NPAS3: variants seen among roughly 807,000 people sequenced by gnomAD.
NPAS3 encodes neuronal PAS domain protein 3, also known as neuronal PAS domain-containing protein 3.
Under a neutral mutation model 73.1 loss-of-function variants are expected in NPAS3, and 14 were observed. The ratio of observed to expected loss-of-function variants is 0.19; its 90% confidence interval spans 0.13 to 0.30. NPAS3 has a LOEUF of 0.30. NPAS3 is among the 10% of genes least tolerant of loss of function. NPAS3 has a pLI of 1.00. For missense variants in NPAS3, 1,096 were observed against 1,250.0 expected (o/e 0.88, Z 1.86); for synonymous variants, 620 against 541.5 (o/e 1.14, Z -2.01).
rs557607180 is a variant in NPAS3 at position 33,108,218 on chromosome 14, G to A, written c.140+52224G>A. 2.4e-3 allele frequency among the ~76,000 whole-genome samples: 358 copies of A among 146,264 alleles called. 1 individual carries two copies. The highest frequency in any genetic ancestry group is 6.1e-3 in the Admixed American group (89 of 14,596). ...TGATTTTTTTTTTTTTTTTGAGATG[G>A]AATCTCGTTCTGTTGCCTAGGCTGG... On this transcript the variant is annotated intron_variant, in intron 2 of 11. Transcript: ENST00000356141.
At chr14:33,318,663 A>G (rs60713183) in intron 3 of NPAS3, among the ~76,000 whole-genome samples, 5,164 of 152,190 alleles carry the variant, frequency 0.034, 280 homozygotes, top group East Asian at 0.19. Flanking sequence ...ATTTACTACA[A>G]TATTATTTTC....
intron 7 of NPAS3, among the ~76,000 whole-genome samples, chr14:33,739,575 C>T (rs1042221067): frequency 6.6e-6 from 1 of 152,156 alleles, no homozygotes; most frequent in Non-Finnish European, 1.5e-5. Flanking sequence ...ACTAGAACTT[C>T]ATAGTTGCAT....
rs184568440 is a variant in NPAS3 at position 32,942,651 on chromosome 14, G to A, written c.50+3285G>A. ...ATATGCCCATGCTGATTTGCAAAGC[G>A]TATCCCAGTAGCACAAGGCTTTTGG... On this transcript the variant is annotated intron_variant, in intron 1 of 11. Transcript: ENST00000356141. Among the ~76,000 whole-genome samples the A allele has an allele frequency of 1.1e-3, 169 of 152,304 alleles. 1 individual carries two copies. Among genetic ancestry groups the A allele is most frequent in the Middle Eastern group, 3.4e-3 (1 of 294 alleles).
chr14:33,732,320 C>T (rs1248770244), intron 6 of NPAS3, among the ~76,000 whole-genome samples: 1 of 152,152 alleles, frequency 6.6e-6, no homozygotes, highest in African/African-American at 2.4e-5. Context: ...CCAATAGAAC[C>T]TTCATCAAAA....
chr14:32,981,755 G>T (rs910585186), intron 1 of NPAS3, among the ~76,000 whole-genome samples: 2 of 151,964 alleles, frequency 1.3e-5, no homozygotes, highest in South Asian at 2.1e-4. Flanking sequence ...GGTGTGGAGC[G>T]GGGGGTGAGA....
intron 4 of NPAS3, among the ~76,000 whole-genome samples, chr14:33,447,654 C>G (rs2049581728): frequency 6.6e-6 from 1 of 152,104 alleles, no homozygotes; most frequent in South Asian, 2.1e-4. Flanking sequence ...TGGCACATAC[C>G]TGTAATGCCA....
chr14:33,677,847 C>T (rs2059812794), intron 6 of NPAS3, among the ~76,000 whole-genome samples: 1 of 152,082 alleles, frequency 6.6e-6, no homozygotes, highest in Admixed American at 6.5e-5. Context: ...ATTCTTATAC[C>T]ATAGCTCACT....
chr14:33,343,200 G>T lies in NPAS3; in HGVS notation c.386-23986G>T, dbSNP rs374164171. Among the ~76,000 whole-genome samples the T allele has an allele frequency of 7.8e-4, 119 of 152,162 alleles. 2 individuals are homozygous for T. The highest frequency in any genetic ancestry group is 2.8e-3 in the African/African-American group (115 of 41,524). On this transcript the variant is annotated intron_variant, in intron 3 of 11. Coordinates refer to ENST00000356141, the Ensembl canonical transcript of NPAS3. ...AGGATGTGTTTTGTGGGGTGATTTC[G>T]CAACTTTAGGTCTTTGTCAAACTGG...
chr14:33,714,118 CTAAACT>C lies in NPAS3; in HGVS notation c.734-21091_734-21086del, dbSNP rs1413299950. 3.3e-5 allele frequency among the ~76,000 whole-genome samples: 5 copies of C among 152,012 alleles called. 1 individual carries two copies. The South Asian group carries it at 8.3e-4, about 25-fold the overall frequency. On this transcript the variant is annotated intron_variant, in intron 6 of 11. Transcript: ENST00000356141. ...CACCTGCACATTGTGCACATGTACC[CTAAACT>C]TAAAGTATAATAATAATAAAATTTT... is the stretch of plus-strand genomic sequence containing the variant.
At chr14:33,714,906 A>T (rs544014594) in intron 6 of NPAS3, among the ~76,000 whole-genome samples, 1 of 152,176 alleles carries the variant, frequency 6.6e-6, no homozygotes, top group Admixed American at 6.5e-5. Flanking sequence ...TACAGAAAAA[A>T]GAAAATCACC....
At chr14:33,743,877 C>A (rs1451667402) in intron 7 of NPAS3, among the ~76,000 whole-genome samples, 2 of 152,200 alleles carry the variant, frequency 1.3e-5, no homozygotes, top group Non-Finnish European at 2.9e-5. Context: ...ATGAATCAGC[C>A]TCTGCTAGCT....
intron 3 of NPAS3, among the ~76,000 whole-genome samples, chr14:33,310,209 G>C (rs2042943191): frequency 6.6e-6 from 1 of 152,062 alleles, no homozygotes; most frequent in African/African-American, 2.4e-5. Context: ...GAAGGGACTT[G>C]TATCCTTCTA....
chr14:33,289,821 C>CAAAAA (rs34641267), intron 3 of NPAS3, among the ~76,000 whole-genome samples: 1 of 142,112 alleles, frequency 7.0e-6, no homozygotes. Flanking sequence ...GACTCCGTCT[C>CAAAAA]AAAAAAAAAA....
At chr14:33,474,176 CTGTT>C (rs1456312292) in intron 4 of NPAS3, among the ~76,000 whole-genome samples, 1 of 152,074 alleles carries the variant, frequency 6.6e-6, no homozygotes, top group Admixed American at 6.6e-5. Flanking sequence ...ATCGATTAGT[CTGTT>C]TGCTTCATGG....
intron 6 of NPAS3, among the ~76,000 whole-genome samples, chr14:33,732,004 T>C (rs1053466058): frequency 3.3e-5 from 5 of 152,180 alleles, no homozygotes; most frequent in African/African-American, 1.2e-4. Flanking sequence ...AGGCAGCAGA[T>C]ACAACTTCTC....
chr14:33,266,056 A>G (rs575636115), intron 3 of NPAS3, among the ~76,000 whole-genome samples: 2 of 152,062 alleles, frequency 1.3e-5, no homozygotes, highest in Non-Finnish European at 2.9e-5. Flanking sequence ...ATACTCTAAG[A>G]TAAATTTTGT....
intron 4 of NPAS3, among the ~76,000 whole-genome samples, chr14:33,378,176 A>T (rs1341454767): frequency 6.6e-6 from 1 of 152,184 alleles, no homozygotes; most frequent in Non-Finnish European, 1.5e-5. Context: ...TAGATGAGAT[A>T]CTACACAAAG....
intron 5 of NPAS3, among the ~76,000 whole-genome samples, chr14:33,563,492 C>G (rs1470999027): frequency 1.7e-5 from 2 of 118,406 alleles, no homozygotes; most frequent in Non-Finnish European, 3.5e-5. Context: ...CAACAGTCCT[C>G]TTGACTTTGC....
chr14:33,413,671 A>G (rs1326512550), intron 4 of NPAS3, among the ~76,000 whole-genome samples: 2 of 152,138 alleles, frequency 1.3e-5, no homozygotes, highest in African/African-American at 4.8e-5. Flanking sequence ...TACAAGAACA[A>G]ATTTTCCACG....
Sources: gnomAD v4.1 joint callset for allele counts (sites outside exome capture counted in the v4.1 genomes callset) on GRCh38, gnomAD v4.1.1 for gene constraint, MANE v1.5 for transcripts, NCBI Gene and HGNC (gene_info 2026-07-23, HGNC 2026-07-21) for gene names.